The following DNASE1 variants were observed in gnomAD, a reference collection of about 807,000 sequenced individuals.
The protein encoded by DNASE1 is deoxyribonuclease 1.
Under a neutral mutation model 33.9 loss-of-function variants are expected in DNASE1, and 40 were observed. The observed-to-expected ratio is 1.18, with a 90% CI of 0.92 to 1.54. The LOEUF is 1.54. Ranked by LOEUF, DNASE1 falls within the 40% of genes most tolerant of loss-of-function variation. DNASE1 has a pLI of 0.00. For missense variants in DNASE1, 518 were observed against 372.6 expected, an observed-to-expected ratio of 1.39 and a Z score of -3.21; for synonymous variants, 216 against 160.0, an observed-to-expected ratio of 1.35 and a Z score of -2.64.
intron 2 of DNASE1, among the ~76,000 whole-genome samples, 162 bp from the exon 3 acceptor site, chr16:3,655,687 C>T (rs959519789): frequency 6.6e-6 from 1 of 152,190 alleles, no homozygotes; most frequent in Non-Finnish European, 1.5e-5. Flanking sequence ...GTCCTCATCC[C>T]TGCTGTGCTG....
intron 2 of DNASE1, 60 bp from the exon 3 acceptor site, chr16:3,655,789 C>A: frequency 6.3e-7 from 1 of 1,590,404 alleles, no homozygotes; most frequent in Admixed American, 1.7e-5. Flanking sequence ...CCCTTTGTGG[C>A]GCTGTAGGGT....
At chr16:3,616,432 C>T (rs2041105578) in intron 1 of DNASE1, among the ~76,000 whole-genome samples, 1 of 151,396 alleles carries the variant, frequency 6.6e-6, no homozygotes, top group Non-Finnish European at 1.5e-5. Flanking sequence ...ACCAGCCTGA[C>T]CAACATGGTG....
At chr16:3,639,198 T>G (rs1348280781), upstream of DNASE1, among the ~76,000 whole-genome samples, 4 of 152,236 alleles carry the variant, frequency 2.6e-5, no homozygotes, top group Non-Finnish European at 5.9e-5. Context: ...CTGGAACATT[T>G]CTCCCTTGCC....
exon 10 of DNASE1, chr16:3,664,713 G>T: frequency 2.2e-6 from 1 of 461,570 alleles, no homozygotes; most frequent in East Asian, 4.3e-5. Flanking sequence ...AGGGAGCTAC[G>T]CGCACCACGC....
intron 1 of DNASE1, among the ~76,000 whole-genome samples, chr16:3,632,190 G>T (rs1295280478): frequency 6.6e-6 from 1 of 152,180 alleles, no homozygotes; most frequent in African/African-American, 2.4e-5. Context: ...GTATCCTGCT[G>T]CTGTTGGATG....
upstream of DNASE1, among the ~76,000 whole-genome samples, chr16:3,638,399 G>A (rs1034514432): frequency 7.9e-5 from 12 of 152,044 alleles, no homozygotes; most frequent in Non-Finnish European, 1.5e-4. Flanking sequence ...GTACAGTGGC[G>A]CAATCTTGGC....
rs1489985757 is a variant in DNASE1, at chr16:3,657,929, T to C, written c.825T>C (p.Tyr275=). The change falls in exon 9 of 9, where the codon TAT becomes TAC. Residue 275 remains tyrosine (Y), a synonymous_variant. Transcript: ENST00000246949. Reference sequence around the variant, plus strand: ...AGGCCCAAGCCATCAGTGACCACTATCCAGTGGAGGTGATGCTGAAGTGAG... The same window carrying C: ...AGGCCCAAGCCATCAGTGACCACTACCCAGTGGAGGTGATGCTGAAGTGAG... ...DQLAQAISDH[Y]PVEVMLK is the part of the protein sequence containing the mutation. 4 of 1,613,004 alleles carry C rather than the reference T, an allele frequency of 2.5e-6. No individual in the cohort carries two copies. In the African/African-American group the frequency reaches 4.0e-5, roughly 16 times the overall value.
chr16:3,643,522 G>A (rs1279772689), intron 1 of DNASE1, among the ~76,000 whole-genome samples: 2 of 152,216 alleles, frequency 1.3e-5, no homozygotes, highest in African/African-American at 4.8e-5. Flanking sequence ...CTGATTCACT[G>A]TCTCACTGCT....
chr16:3,634,068 C>A (rs1318460040), intron 1 of DNASE1, among the ~76,000 whole-genome samples: 1 of 151,792 alleles, frequency 6.6e-6, no homozygotes, highest in African/African-American at 2.4e-5. Flanking sequence ...TCTCGGCCTC[C>A]CAAAGTGCTG....
At chr16:3,661,889 C>G (rs141149147), downstream of DNASE1, 1 of 1,426,812 alleles carries the variant, frequency 7.0e-7, no homozygotes, top group Non-Finnish European at 9.3e-7. Flanking sequence ...ACAGGCCTCA[C>G]GCACTTTTCT....
At chr16:3,649,699 CCT>C (rs2042275125), upstream of DNASE1, among the ~76,000 whole-genome samples, 1 of 152,122 alleles carries the variant, frequency 6.6e-6, no homozygotes, top group Admixed American at 6.6e-5. Context: ...AAAAGAAATC[CCT>C]GATAGTGGTG....
chr16:3,657,493 C>A (rs117890873), intron 7 of DNASE1, 152 bp downstream of exon 7: 8 of 1,281,922 alleles, frequency 6.2e-6, no homozygotes, highest in Non-Finnish European at 8.5e-6. Context: ...ACAAGAGCCA[C>A]GATTTTTAGG....
In DNASE1 at chr16:3,622,213, GAA is replaced by G. The variant is rs56171298; in HGVS notation, c.-1359+10225_-1359+10226del. Among the ~76,000 whole-genome samples, 416 of 68,230 alleles carry G rather than the reference GAA, an allele frequency of 6.1e-3. 1 individual carries two copies. The highest frequency in any genetic ancestry group is 0.02 in the African/African-American group (382 of 19,076). 44.8% of individuals were successfully genotyped at this position (68,230 alleles called of 152,430 possible). A position where few individuals can be genotyped will look rare whatever the true frequency, so the allele number is the denominator to read the frequency against. On this transcript the variant is annotated intron_variant and NMD_transcript_variant, in intron 1 of 11. Transcript: ENST00000570769. ...CCAGCCTAGGTGACAGAGCAAGACT[GAA>G]AAAAAAAAAAAAAAAAACGGAGGCT...
intron 1 of DNASE1, among the ~76,000 whole-genome samples, chr16:3,645,688 G>A (rs2042153282): frequency 6.6e-6 from 1 of 152,196 alleles, no homozygotes; most frequent in Non-Finnish European, 1.5e-5. Flanking sequence ...GTTGGGGAAG[G>A]GGCGGTCTGC....
At chr16:3,614,018 T>C (rs989619725) in intron 1 of DNASE1, among the ~76,000 whole-genome samples, 4 of 150,850 alleles carry the variant, frequency 2.7e-5, no homozygotes, top group African/African-American at 9.8e-5. Flanking sequence ...GTTCACGCCA[T>C]TCTCCTGCCG....
exon 10 of DNASE1, chr16:3,664,793 C>CA (rs1471872365): frequency 7.5e-6 from 2 of 268,108 alleles, no homozygotes; most frequent in African/African-American, 4.6e-5. Flanking sequence ...CCCTCAGTGA[C>CA]AGAGTCAGTC....
chr16:3,643,609 A>C (rs1440244272), intron 1 of DNASE1, among the ~76,000 whole-genome samples: 2 of 152,230 alleles, frequency 1.3e-5, no homozygotes, highest in Non-Finnish European at 2.9e-5. Context: ...TGTCACGCAC[A>C]GTCCCTGACA....
intron 1 of DNASE1, among the ~76,000 whole-genome samples, chr16:3,627,111 A>G (rs2041537358): frequency 1.3e-5 from 2 of 151,808 alleles, no homozygotes; most frequent in South Asian, 4.2e-4. Context: ...CCTAGCCTCA[A>G]GTGATCCTCC....
chr16:3,653,585 G>T (rs1490468304), upstream of DNASE1: 1 of 151,984 alleles, frequency 6.6e-6, no homozygotes, highest in Non-Finnish European at 1.5e-5. Flanking sequence ...GAGGCAGGCG[G>T]ATCACAAGGT....
Sources: allele counts gnomAD v4.1 joint callset (sites outside exome capture counted in the v4.1 genomes callset), GRCh38; gene constraint gnomAD v4.1.1; transcripts MANE v1.5; gene names NCBI Gene and HGNC (gene_info 2026-07-23, HGNC 2026-07-21).